Variants in GABBR2 observed in about 807,000 individuals in gnomAD.
GABBR2 encodes gamma-aminobutyric acid type B receptor subunit 2.
In GABBR2, 23 loss-of-function variants were observed where a neutral mutation model predicts 105.6. The observed-to-expected ratio is 0.22, with a 90% CI of 0.16 to 0.31. The LOEUF is 0.31. Among genes scored for constraint, GABBR2 ranks in the 10% least tolerant of loss-of-function variants. The pLI, the probability that GABBR2 is intolerant of heterozygous loss-of-function variation, is 1.00. For missense variants in GABBR2, 734 were observed against 1,245.5 expected, an observed-to-expected ratio of 0.59 and a Z score of 6.18; for synonymous variants, 478 against 499.7, an observed-to-expected ratio of 0.96 and a Z score of 0.58.
chr9:98,705,965 A>G (rs1340387795), intron 1 of GABBR2, among the ~76,000 whole-genome samples: 1 of 152,186 alleles, frequency 6.6e-6, no homozygotes, highest in Non-Finnish European at 1.5e-5. Flanking sequence ...AATCCCAGCT[A>G]CACGGGAGGC....
chr9:98,648,422 C>T (rs542911061), intron 1 of GABBR2, among the ~76,000 whole-genome samples: 26 of 152,192 alleles, frequency 1.7e-4, no homozygotes, highest in African/African-American at 6.0e-4. Context: ...CATGAGCCAC[C>T]GCACCTGGCC....
chr9:98,336,407 G>A (rs1036382), intron 13 of GABBR2, among the ~76,000 whole-genome samples: 101,408 of 152,164 alleles, frequency 0.67, 34,940 homozygotes, highest in African/African-American at 0.84. Flanking sequence ...TACGTCGTGC[G>A]TTTAAAAAAG....
At chr9:98,694,876 G>A (rs1414693818) in intron 1 of GABBR2, among the ~76,000 whole-genome samples, 2 of 152,210 alleles carry the variant, frequency 1.3e-5, no homozygotes, top group Admixed American at 6.5e-5. Flanking sequence ...CCATTAGAGA[G>A]CATCAGCATT....
intron 2 of GABBR2, chr9:98,555,749 C>A (rs910340975): frequency 6.6e-6 from 1 of 152,286 alleles, no homozygotes; most frequent in African/African-American, 2.4e-5. Flanking sequence ...GTGCTGGGGC[C>A]CCAGCTCGAG....
intron 13 of GABBR2, among the ~76,000 whole-genome samples, chr9:98,332,173 T>G (rs141541852): frequency 4.1e-4 from 62 of 152,166 alleles, no homozygotes; most frequent in African/African-American, 1.4e-3. Context: ...CCCTGCAAAA[T>G]GGAAACAGAA....
chr9:98,420,387 G>C (rs1471284677), intron 7 of GABBR2, among the ~76,000 whole-genome samples: 1 of 152,222 alleles, frequency 6.6e-6, no homozygotes, highest in Non-Finnish European at 1.5e-5. Flanking sequence ...GCTCATCCCT[G>C]CTGCCAGGCT....
intron 1 of GABBR2, among the ~76,000 whole-genome samples, chr9:98,637,747 C>G (rs1471086172): frequency 6.6e-6 from 1 of 152,108 alleles, no homozygotes; most frequent in Admixed American, 6.5e-5. Context: ...CTAAAGCCTC[C>G]AGAAGGAAAG....
At chr9:98,694,832 G>T (rs545594363) in intron 1 of GABBR2, among the ~76,000 whole-genome samples, 1 of 152,158 alleles carries the variant, frequency 6.6e-6, no homozygotes, top group Admixed American at 6.5e-5. Flanking sequence ...TAAAACTAAG[G>T]TGCAGAGAAG....
chr9:98,517,372 A>T (rs1375789461), intron 3 of GABBR2, among the ~76,000 whole-genome samples: 1 of 152,136 alleles, frequency 6.6e-6, no homozygotes, highest in Admixed American at 6.5e-5. Flanking sequence ...GAGCCCCAAG[A>T]GAGTCCCTCT....
intron 3 of GABBR2, among the ~76,000 whole-genome samples, chr9:98,518,015 G>A (rs1392770955): frequency 1.3e-5 from 2 of 152,222 alleles, no homozygotes; most frequent in Non-Finnish European, 2.9e-5. Context: ...CAGTGAAAGA[G>A]AGCCAATGGG....
At chr9:98,485,545 C>T (rs575062461) in intron 4 of GABBR2, among the ~76,000 whole-genome samples, 1 of 152,222 alleles carries the variant, frequency 6.6e-6, no homozygotes, top group African/African-American at 2.4e-5. Flanking sequence ...CTCACGCACG[C>T]ACATGACACT....
chr9:98,342,086 G>A (rs1831223791), intron 13 of GABBR2, among the ~76,000 whole-genome samples: 1 of 152,138 alleles, frequency 6.6e-6, no homozygotes, highest in Admixed American at 6.5e-5. Context: ...GACAGACAAT[G>A]ATCAGTTCTG....
chr9:98,466,264 G>T (rs1588176235), intron 6 of GABBR2, among the ~76,000 whole-genome samples: 1 of 152,294 alleles, frequency 6.6e-6, no homozygotes, highest in African/African-American at 2.4e-5. Flanking sequence ...ACTAAAAAAA[G>T]CTGTGGAGTT....
chr9:98,290,704 G>A lies in GABBR2; in HGVS notation c.2706C>T (p.Ala902=), dbSNP rs2131331668. The A allele has an allele frequency of 6.7e-7, 1 of 1,488,810 alleles. No homozygotes were observed. The highest frequency in any genetic ancestry group is 1.5e-5 in the South Asian group (1 of 68,140). The allele number at this position is 1,488,810 out of a possible 1,614,324, so 92.2% of individuals were successfully genotyped here. A position where few individuals can be genotyped will look rare whatever the true frequency, so the allele number is the denominator to read the frequency against. The change falls in exon 19 of 19, where the codon GCC becomes GCT. Residue 902 remains alanine, a synonymous_variant. Coordinates refer to ENST00000259455, the MANE Select transcript of GABBR2 (RefSeq NM_005458.8). ...LSLQLPILHH[A]YLPSIGGVDA... ...CCACGCCTCCGATGGATGGGAGGTA[G>A]GCGTGGTGGAGGATGGGGAGCTGGA...
chr9:98,379,473 T>C (rs1378059519), intron 11 of GABBR2, among the ~76,000 whole-genome samples: 1 of 152,204 alleles, frequency 6.6e-6, no homozygotes, highest in African/African-American at 2.4e-5. Flanking sequence ...TTTACTATGT[T>C]GGCCAGGTTG....
chr9:98,523,227 A>G (rs1013880799), intron 3 of GABBR2, among the ~76,000 whole-genome samples: 1 of 152,238 alleles, frequency 6.6e-6, no homozygotes, highest in African/African-American at 2.4e-5. Context: ...TATAAAGGGA[A>G]GGTATTATTC....
chr9:98,634,620 C>T (rs1389616249), intron 1 of GABBR2, among the ~76,000 whole-genome samples: 2 of 152,244 alleles, frequency 1.3e-5, no homozygotes, highest in Non-Finnish European at 2.9e-5. Flanking sequence ...GGAAGCAGGG[C>T]CCTGCTGACA....
chr9:98,644,344 CA>C (rs1830005287), intron 1 of GABBR2, among the ~76,000 whole-genome samples: 1 of 152,214 alleles, frequency 6.6e-6, no homozygotes, highest in Non-Finnish European at 1.5e-5. Context: ...GGAAAGGAGT[CA>C]GGGAACTGAA....
Position 98,541,342 on chromosome 9 carries a change from T to C in GABBR2, c.630+531A>G, listed in dbSNP as rs1034845559. Among the ~76,000 whole-genome samples the C allele has an allele frequency of 1.6e-4, 23 of 142,524 alleles. 1 individual carries two copies. The highest frequency in any genetic ancestry group is 1.2e-3 in the Admixed American group (17 of 13,946). The allele number at this position is 142,524 out of a possible 152,430, so 93.5% of individuals were successfully genotyped here. On this transcript the variant is annotated intron_variant, in intron 3 of 18. Transcript: ENST00000259455. ...GACAAAGCAACACTTTTACATTTTT[T>C]ACTACCCATATTTTGGCTTTTTTTT...
Sources: allele counts gnomAD v4.1 joint callset (sites outside exome capture counted in the v4.1 genomes callset), GRCh38; gene constraint gnomAD v4.1.1; transcripts MANE v1.5; gene names NCBI Gene and HGNC (gene_info 2026-07-23, HGNC 2026-07-21).